AIDA: variants seen among roughly 807,000 people sequenced by gnomAD.
AIDA encodes the protein axin interactor, dorsalization associated.
AIDA carries 18 observed loss-of-function variants against 42.7 expected under a neutral mutation model. The observed-to-expected ratio is 0.42, with a 90% CI of 0.29 to 0.63. The LOEUF (loss-of-function observed/expected upper bound fraction) is 0.63. Ranked by LOEUF, AIDA falls within the 20% of genes least tolerant of loss-of-function variation. The pLI is 0.19. For synonymous variants in AIDA, 104 were observed against 122.9 expected (o/e 0.85, Z 1.02); for missense variants, 250 against 354.1 (o/e 0.71, Z 2.36).
chr1:222,706,354 T>C (rs1378580996), intron 1 of AIDA, among the ~76,000 whole-genome samples: 2 of 152,084 alleles, frequency 1.3e-5, no homozygotes, highest in Admixed American at 1.3e-4. Context: ...TATATGTCCA[T>C]GCAAAGACTT....
At chr1:222,709,922 A>G (rs1364971479) in intron 1 of AIDA, among the ~76,000 whole-genome samples, 1 of 152,172 alleles carries the variant, frequency 6.6e-6, no homozygotes, top group Non-Finnish European at 1.5e-5. Context: ...GAGAATACAG[A>G]TATGCACTAT....
Position 222,687,589 on chromosome 1 carries a change from T to C in AIDA, c.353+6A>G, listed in dbSNP as rs1036480858. 2.0e-6 allele frequency: 3 copies of C among 1,487,294 alleles called. No homozygotes were observed. The East Asian group carries it at 7.1e-5, about 35-fold the overall frequency. 92.1% of individuals were successfully genotyped at this position (1,487,294 alleles called of 1,614,324 possible). On this transcript the variant is annotated splice_donor_region_variant and intron_variant, in intron 5 of 9. Transcript: ENST00000340020. Reference sequence around the variant, plus strand: ...ATAAGAAAACAAATATAAATGTTTCTTTTACCTTAATGGGACAGGCTGAAC... The same window carrying C: ...ATAAGAAAACAAATATAAATGTTTCCTTTACCTTAATGGGACAGGCTGAAC...
chr1:222,691,697 T>C (rs936688900), intron 4 of AIDA, among the ~76,000 whole-genome samples: 1 of 152,150 alleles, frequency 6.6e-6, no homozygotes, highest in African/African-American at 2.4e-5. Context: ...CATAATATTG[T>C]ATTAGATACT....
At chr1:222,700,315 A>G (rs534243337) in intron 2 of AIDA, among the ~76,000 whole-genome samples, 1 of 152,310 alleles carries the variant, frequency 6.6e-6, no homozygotes, top group South Asian at 2.1e-4. Flanking sequence ...GATACTCTGA[A>G]GATCATTTAG....
At chr1:222,694,410 G>A in intron 2 of AIDA, 147 bp from the exon 3 acceptor site, 1 of 746,078 alleles carries the variant, frequency 1.3e-6, no homozygotes, top group Non-Finnish European at 2.2e-6. Context: ...AGACTCTAGA[G>A]AAAAGAAATA....
intron 6 of AIDA, among the ~76,000 whole-genome samples, chr1:222,686,543 AT>A (rs1481120603): frequency 6.6e-6 from 1 of 152,172 alleles, no homozygotes; most frequent in African/African-American, 2.4e-5. Flanking sequence ...AATTAAGCAC[AT>A]CTTATGTGAC....
chr1:222,686,855 A>G, intron 6 of AIDA, 75 bp downstream of exon 6: 3 of 1,529,282 alleles, frequency 2.0e-6, no homozygotes, highest in Non-Finnish European at 2.6e-6. Context: ...CCACTAGCAA[A>G]TACCAAAGAA....
At chr1:222,708,412 G>T (rs959063639) in intron 1 of AIDA, among the ~76,000 whole-genome samples, 1 of 151,718 alleles carries the variant, frequency 6.6e-6, no homozygotes, top group African/African-American at 2.4e-5. Context: ...CCGTCACCCA[G>T]GCTGGAGTGC....
chr1:222,693,897 C>T (rs1420068992), intron 3 of AIDA, 54 bp from the exon 4 acceptor site: 1 of 1,387,724 alleles, frequency 7.2e-7, no homozygotes. Context: ...TTCACTGCAC[C>T]CTGTCTTTTA....
intron 5 of AIDA, 66 bp downstream of exon 5, chr1:222,687,529 A>T (rs984249528): frequency 7.4e-7 from 1 of 1,350,650 alleles, no homozygotes; most frequent in African/African-American, 1.5e-5. Context: ...ATTTAAGAAA[A>T]CCCAGAACTA....
chr1:222,700,970 T>G (rs1655674613), intron 2 of AIDA, among the ~76,000 whole-genome samples: 1 of 68,170 alleles, frequency 1.5e-5, no homozygotes, highest in African/African-American at 7.4e-5. Flanking sequence ...TTGATTTTTT[T>G]TGGGGGGGGG....
intron 8 of AIDA, among the ~76,000 whole-genome samples, chr1:222,670,993 C>G (rs1208406245): frequency 6.6e-6 from 1 of 152,036 alleles, no homozygotes; most frequent in African/African-American, 2.4e-5. Flanking sequence ...CAGAGATGGG[C>G]AGATCACTTG....
intron 4 of AIDA, among the ~76,000 whole-genome samples, chr1:222,689,520 T>TATATATAAACAC (rs765351898): frequency 1.7e-5 from 1 of 58,102 alleles, no homozygotes; most frequent in Non-Finnish European, 3.8e-5. Context: ...TATATATATA[T>TATATATAAACAC]ACACACATAC....
chr1:222,675,654 G>A (rs1005533798), intron 7 of AIDA, among the ~76,000 whole-genome samples: 1 of 152,192 alleles, frequency 6.6e-6, no homozygotes, highest in Admixed American at 6.5e-5. Flanking sequence ...ACTCTCCAAT[G>A]TAGACCTCTC....
Position 222,668,054 on chromosome 1 carries a change from G to A in AIDA, c.*1839C>T, listed in dbSNP as rs1664369178. The A allele has an allele frequency of 6.6e-6, 1 of 152,052 alleles. No individual in the cohort carries two copies. The highest frequency in any genetic ancestry group is 2.1e-4 in the South Asian group (1 of 4,832). 9.4% of individuals were successfully genotyped at this position (152,052 alleles called of 1,614,324 possible). A position where few individuals can be genotyped will look rare whatever the true frequency, so the allele number is the denominator to read the frequency against. Reference sequence around the variant, plus strand: ...TTAATGTTGATGAAAGGTATTTGTAGTTCATATAAACTATACTTATGTGAA... The same window carrying A: ...TTAATGTTGATGAAAGGTATTTGTAATTCATATAAACTATACTTATGTGAA... On this transcript the variant is annotated 3_prime_UTR_variant, in exon 10 of 10. Coordinates refer to ENST00000340020, the MANE Select transcript of AIDA (RefSeq NM_022831.4).
In AIDA at chr1:222,694,372, T is replaced by C. The variant is rs567327136; in HGVS notation, c.181-109A>G. On this transcript the variant is annotated intron_variant, in intron 2 of 9. Coordinates refer to ENST00000340020, the MANE Select transcript of AIDA (RefSeq NM_022831.4). Reference sequence around the variant, plus strand: ...AGATCCATAATTCTCTTAAGTAAGTTAAATTTTATTTCTTTCTAGCATCTT... The same window carrying C: ...AGATCCATAATTCTCTTAAGTAAGTCAAATTTTATTTCTTTCTAGCATCTT... 37 of 948,006 alleles carry C rather than the reference T, an allele frequency of 3.9e-5. 1 individual carries two copies. The Admixed American group carries it at 4.8e-4, about 12-fold the overall frequency. The allele number at this position is 948,006 out of a possible 1,614,324, so 58.7% of individuals were successfully genotyped here.
intron 8 of AIDA, among the ~76,000 whole-genome samples, chr1:222,671,957 A>G (rs976875175): frequency 1.3e-5 from 2 of 152,256 alleles, no homozygotes; most frequent in African/African-American, 4.8e-5. Flanking sequence ...ATTTTGAGGA[A>G]GTTAAACAAA....
chr1:222,685,844 C>T lies in AIDA; in HGVS notation c.460+1086G>A, dbSNP rs551634465. ...TCCACTCCCATGGGTCCACTTTTAA[C>T]CACCACAATTTGATTAATTAAAGAA... is the stretch of plus-strand genomic sequence containing the variant. On this transcript the variant is annotated intron_variant, in intron 6 of 9. Coordinates refer to ENST00000340020, the MANE Select transcript of AIDA (RefSeq NM_022831.4). Among the ~76,000 whole-genome samples the T allele has an allele frequency of 3.3e-5, 5 of 152,280 alleles. No individual in the cohort carries two copies. The East Asian group carries it at 9.6e-4, about 29-fold the overall frequency.
intron 6 of AIDA, among the ~76,000 whole-genome samples, chr1:222,679,784 A>C (rs1007993158): frequency 6.6e-6 from 1 of 152,234 alleles, no homozygotes; most frequent in Non-Finnish European, 1.5e-5. Context: ...CCCCATCTCA[A>C]GGTCCTTCAC....
Sources: allele counts gnomAD v4.1 joint callset (sites outside exome capture counted in the v4.1 genomes callset), GRCh38; gene constraint gnomAD v4.1.1; transcripts MANE v1.5; gene names NCBI Gene and HGNC (gene_info 2026-07-23, HGNC 2026-07-21).